The following PPP1R7 variants were observed in gnomAD, a reference collection of about 807,000 sequenced individuals.
The protein encoded by PPP1R7 is protein phosphatase 1 regulatory subunit 22.
A neutral mutation model predicts 45.2 loss-of-function variants in PPP1R7; 18 were observed. The ratio of observed to expected loss-of-function variants is 0.40; its 90% CI spans 0.28 to 0.59. PPP1R7 has a LOEUF of 0.59. Among genes scored for constraint, PPP1R7 ranks in the 20% least tolerant of loss-of-function variants. The pLI, the probability that PPP1R7 is intolerant of heterozygous loss-of-function variation, is 0.46. For missense variants in PPP1R7, 314 were observed against 455.8 expected (o/e 0.69, Z 2.83); for synonymous variants, 181 against 183.4 (o/e 0.99, Z 0.11).
chr2:241,156,279 A>G (rs2067455516), intron 2 of PPP1R7, among the ~76,000 whole-genome samples: 1 of 152,252 alleles, frequency 6.6e-6, no homozygotes, highest in African/African-American at 2.4e-5. Context: ...AGAACATCCT[A>G]TGCATATAAT....
intron 8 of PPP1R7, chr2:241,167,137 C>T (rs373491386): frequency 1.1e-4 from 155 of 1,459,128 alleles, no homozygotes; most frequent in Admixed American, 1.4e-4. Flanking sequence ...TGCCCCAGTG[C>T]GGTGTTCAAG....
At chr2:241,150,246 C>T, upstream of PPP1R7, 4 of 1,290,468 alleles carry the variant, frequency 3.1e-6, no homozygotes, top group East Asian at 9.4e-5. Context: ...ACTCCCTCTG[C>T]TTTCCTTCCC....
chr2:241,182,771 T>C lies in PPP1R7; in HGVS notation c.1031T>C (p.Met344Thr), dbSNP rs1574742375. The change falls in exon 10 of 10, where the codon ATG becomes ACG. Residue 344 changes from methionine to threonine, a missense_variant. Physicochemically the swap from Met to Thr is moderately conservative, Grantham distance 81. Transcript: ENST00000234038. ...QKDPQYRRKV[M>T]LALPSVRQID... ...GACCCCCAGTACCGGCGGAAGGTCA[T>C]GCTCGCCCTCCCCTCCGTGCGGCAG... 1.2e-6 allele frequency: 2 copies of C among 1,614,160 alleles called. No homozygotes were observed. Among genetic ancestry groups the C allele is most frequent in the Non-Finnish European group, 1.7e-6 (2 of 1,180,020 alleles).
chr2:241,150,354 T>G, upstream of PPP1R7: 1 of 1,332,544 alleles, frequency 7.5e-7, no homozygotes, highest in East Asian at 3.2e-5. Flanking sequence ...ACAACTCCCA[T>G]GAGGCGCTGG....
intron 9 of PPP1R7, among the ~76,000 whole-genome samples, chr2:241,175,328 A>C (rs965312527): frequency 6.6e-6 from 1 of 152,178 alleles, no homozygotes; most frequent in Admixed American, 6.5e-5. Flanking sequence ...CCCATTAAAC[A>C]ATAACTCCCT....
intron 2 of PPP1R7, 109 bp from the exon 3 acceptor site, chr2:241,157,698 G>A: frequency 9.3e-7 from 1 of 1,069,940 alleles, no homozygotes; most frequent in Non-Finnish European, 1.4e-6. Context: ...CTCGGGGTTT[G>A]AGCTGGCTCT....
In PPP1R7 at chr2:241,163,377, C is replaced by T; in HGVS notation, c.690C>T (p.Thr230=). ...ITKLQNLDAL[T]NLTVLSMQSN... Reference sequence around the variant, plus strand: ...AACTTCAGAACCTGGATGCGCTCACCAACCTGACAGTCCTCAGTATGCAGG... The same window carrying T: ...AACTTCAGAACCTGGATGCGCTCACTAACCTGACAGTCCTCAGTATGCAGG... Residue 230 remains threonine (T), a synonymous_variant, in exon 7 of 10, where the codon ACC becomes ACT. Coordinates refer to ENST00000234038, the MANE Select transcript of PPP1R7 (RefSeq NM_002712.3). The T allele has an allele frequency of 1.9e-6, 3 of 1,613,026 alleles. No individual in the cohort carries two copies. Among genetic ancestry groups the T allele is most frequent in the Non-Finnish European group, 2.5e-6 (3 of 1,179,006 alleles).
intron 9 of PPP1R7, among the ~76,000 whole-genome samples, chr2:241,172,671 CAAG>C (rs1185251310): frequency 1.3e-5 from 2 of 150,748 alleles, no homozygotes; most frequent in Non-Finnish European, 3.0e-5. Flanking sequence ...AATTTAAAAA[CAAG>C]AAAACTCACT....
At chr2:241,150,879 G>A (rs1184810769) in intron 1 of PPP1R7, among the ~76,000 whole-genome samples, 1 of 152,166 alleles carries the variant, frequency 6.6e-6, no homozygotes, top group Non-Finnish European at 1.5e-5. Flanking sequence ...GACGGGCGGG[G>A]GAGCCTCCTC....
At chr2:241,176,551 G>A (rs2067911023) in intron 9 of PPP1R7, among the ~76,000 whole-genome samples, 3 of 150,494 alleles carry the variant, frequency 2.0e-5, no homozygotes, top group South Asian at 4.2e-4. Flanking sequence ...TCCACCTCCC[G>A]GGTTCAAGTG....
intron 7 of PPP1R7, 133 bp from the exon 8 acceptor site, chr2:241,166,204 A>G (rs963570048): frequency 2.7e-6 from 2 of 747,024 alleles, no homozygotes; most frequent in African/African-American, 3.5e-5. Context: ...GCCCGGCCCC[A>G]TTCTAGCATG....
chr2:241,166,432 G>A lies in PPP1R7; in HGVS notation c.810G>A (p.Leu270=), dbSNP rs748582479. 1.2e-4 allele frequency: 191 copies of A among 1,613,444 alleles called. No individual in the cohort carries two copies. The South Asian group carries it at 2.0e-3, about 17-fold the overall frequency. ...ATGGCATCGAGGTCATCGAGGGCCTGGAGAACAATGTAAGACACCCACTGT... is the reference window on the plus strand; with the variant it reads ...ATGGCATCGAGGTCATCGAGGGCCTAGAGAACAATGTAAGACACCCACTGT... The part of the protein sequence containing the change: ...SHNGIEVIEG[L]ENNNKLTMLD... The change falls in exon 8 of 10, where the codon CTG becomes CTA. Residue 270 remains leucine, a synonymous_variant. Transcript: ENST00000234038.
intron 9 of PPP1R7, among the ~76,000 whole-genome samples, chr2:241,175,646 G>C (rs114759159): frequency 1.7e-4 from 26 of 152,344 alleles, no homozygotes; most frequent in Middle Eastern, 3.4e-3. Context: ...CCAGGCTAGA[G>C]TGCAGTAGCA....
chr2:241,159,364 G>A, intron 5 of PPP1R7, 21 bp downstream of exon 5: 3 of 1,610,262 alleles, frequency 1.9e-6, no homozygotes, highest in Non-Finnish European at 2.5e-6. Flanking sequence ...AGACCCACAG[G>A]AGAACAGCAT....
chr2:241,170,350 G>T (rs1265405614), intron 9 of PPP1R7, among the ~76,000 whole-genome samples: 3 of 152,222 alleles, frequency 2.0e-5, no homozygotes, highest in African/African-American at 7.2e-5. Context: ...AATTTGCCTT[G>T]TATTTGTCTT....
intron 2 of PPP1R7, among the ~76,000 whole-genome samples, chr2:241,157,528 C>G (rs1357262309): frequency 6.6e-6 from 1 of 152,256 alleles, no homozygotes; most frequent in Non-Finnish European, 1.5e-5. Context: ...AAACACATTT[C>G]CTTTCTCAGG....
rs540011262 is a variant in PPP1R7, at chr2:241,173,269, C to CAAAA, written c.906+3423_906+3426dup. ...CTTGGGCAACAGAGCAAGACTTTCT[C>CAAAA]AAAAAAAAAAAAAAAAAAAAAAAAG... On this transcript the variant is annotated intron_variant, in intron 9 of 9. Transcript: ENST00000234038. Among the ~76,000 whole-genome samples, 26 of 90,664 alleles carry CAAAA rather than the reference C, an allele frequency of 2.9e-4. 1 individual carries two copies. The highest frequency in any genetic ancestry group is 1.2e-3 in the African/African-American group (21 of 16,984). 59.5% of individuals were successfully genotyped at this position (90,664 alleles called of 152,430 possible).
intron 1 of PPP1R7, among the ~76,000 whole-genome samples, chr2:241,152,057 C>T (rs2067331310): frequency 6.6e-6 from 1 of 152,226 alleles, no homozygotes. Flanking sequence ...GCCAGATTGT[C>T]ATGCAGTAGA....
At chr2:241,164,108 G>A (rs1295188684) in intron 7 of PPP1R7, among the ~76,000 whole-genome samples, 1 of 151,906 alleles carries the variant, frequency 6.6e-6, no homozygotes, top group East Asian at 1.9e-4. Flanking sequence ...GTAGAGAAGG[G>A]GTTTCCCTAT....
Sources: allele counts gnomAD v4.1 joint callset (sites outside exome capture counted in the v4.1 genomes callset), GRCh38; gene constraint gnomAD v4.1.1; transcripts MANE v1.5; gene names NCBI Gene and HGNC (gene_info 2026-07-23, HGNC 2026-07-21).